Variants in TMC1 observed in about 807,000 individuals in gnomAD.
The protein encoded by TMC1 is transmembrane channel like 1, also known as transmembrane channel-like protein 1.
Under a neutral mutation model 105.8 loss-of-function variants are expected in TMC1, and 84 were observed. The observed-to-expected ratio is 0.79, with a 90% CI of 0.67 to 0.95. The LOEUF is 0.95. Ranked by LOEUF, TMC1 falls within the 40% of genes least tolerant of loss-of-function variation. The pLI is 0.00. For missense variants in TMC1, 817 were observed against 914.1 expected, an observed-to-expected ratio of 0.89 and a Z score of 1.37; for synonymous variants, 315 against 311.5, an observed-to-expected ratio of 1.01 and a Z score of -0.12.
chr9:72,793,326 C>A (rs1310336369), intron 17 of TMC1, among the ~76,000 whole-genome samples: 1 of 152,172 alleles, frequency 6.6e-6, no homozygotes, highest in Non-Finnish European at 1.5e-5. Flanking sequence ...TGGCTTGGAA[C>A]TCCAGCCAGT....
intron 6 of TMC1, among the ~76,000 whole-genome samples, chr9:72,690,565 C>A (rs1588033803): frequency 6.6e-6 from 1 of 152,122 alleles, no homozygotes; most frequent in African/African-American, 2.4e-5. Context: ...CTTTATTTCT[C>A]TGTCATTTAT....
intron 8 of TMC1, among the ~76,000 whole-genome samples, chr9:72,716,198 C>T (rs1490104703): frequency 6.6e-6 from 1 of 152,236 alleles, no homozygotes; most frequent in African/African-American, 2.4e-5. Context: ...TGTCTGTCAG[C>T]CCCTACTGGG....
chr9:72,680,979 G>A (rs1444834), intron 5 of TMC1, among the ~76,000 whole-genome samples: 49,644 of 151,664 alleles, frequency 0.33, 8,154 homozygotes, highest in East Asian at 0.43. Flanking sequence ...TCTTCTTCTT[G>A]AGTTAGAATA....
At chr9:72,756,344 G>A (rs1044389638) in intron 12 of TMC1, among the ~76,000 whole-genome samples, 5 of 152,136 alleles carry the variant, frequency 3.3e-5, no homozygotes, top group African/African-American at 1.2e-4. Flanking sequence ...AAAGATCCTG[G>A]GGAACTGAGC....
intron 11 of TMC1, among the ~76,000 whole-genome samples, chr9:72,752,843 T>C (rs1225623926): frequency 1.3e-5 from 2 of 152,188 alleles, no homozygotes; most frequent in Non-Finnish European, 2.9e-5. Flanking sequence ...CTAAGACTCC[T>C]ATTAACATAA....
chr9:72,741,948 T>C (rs1188118499), intron 9 of TMC1, among the ~76,000 whole-genome samples: 1 of 152,246 alleles, frequency 6.6e-6, no homozygotes. Context: ...CCATCTTGTA[T>C]TGAACTCACC....
At chr9:72,626,096 A>G (rs565308486) in intron 3 of TMC1, among the ~76,000 whole-genome samples, 1 of 152,292 alleles carries the variant, frequency 6.6e-6, no homozygotes, top group East Asian at 1.9e-4. Context: ...CAGCTAGTCA[A>G]GTCTTCCCAG....
At chr9:72,629,110 G>A (rs1825403868) in intron 4 of TMC1, among the ~76,000 whole-genome samples, 1 of 152,032 alleles carries the variant, frequency 6.6e-6, no homozygotes, top group Middle Eastern at 3.2e-3. Context: ...AATCCTATAA[G>A]GTGTGCTTTA....
At chr9:72,632,809 G>A (rs1010037504) in intron 4 of TMC1, among the ~76,000 whole-genome samples, 22 of 152,026 alleles carry the variant, frequency 1.4e-4, no homozygotes, top group Non-Finnish European at 2.2e-4. Flanking sequence ...AAAAGTTTGC[G>A]AATAAAGAAA....
chr9:72,753,461 G>T (rs771801450), intron 11 of TMC1, among the ~76,000 whole-genome samples: 3 of 152,014 alleles, frequency 2.0e-5, no homozygotes, highest in Non-Finnish European at 2.9e-5. Context: ...AAAATGAAAG[G>T]CTGTTGCTGA....
intron 5 of TMC1, among the ~76,000 whole-genome samples, chr9:72,685,915 G>A (rs189920804): frequency 6.6e-6 from 1 of 152,158 alleles, no homozygotes; most frequent in Non-Finnish European, 1.5e-5. Context: ...CTTGGTCACT[G>A]TGTTATCCTG....
intron 1 of TMC1, among the ~76,000 whole-genome samples, chr9:72,555,466 C>T (rs141588135): frequency 6.7e-4 from 102 of 152,230 alleles, no homozygotes; most frequent in Admixed American, 4.7e-3. Context: ...GGATTACAGG[C>T]GTGAGATACT....
intron 10 of TMC1, among the ~76,000 whole-genome samples, chr9:72,745,463 G>T (rs1827474963): frequency 6.6e-6 from 1 of 152,068 alleles, no homozygotes; most frequent in Non-Finnish European, 1.5e-5. Context: ...AGTAGTTATA[G>T]ATTTTCTTGA....
At chr9:72,776,625 C>G (rs1050112586) in intron 13 of TMC1, among the ~76,000 whole-genome samples, 1 of 152,190 alleles carries the variant, frequency 6.6e-6, no homozygotes, top group Non-Finnish European at 1.5e-5. Context: ...CCTCTCTGTA[C>G]TGTGCTTCTC....
chr9:72,742,743 C>T (rs150931936), intron 10 of TMC1, among the ~76,000 whole-genome samples: 141 of 152,316 alleles, frequency 9.3e-4, no homozygotes, highest in African/African-American at 3.1e-3. Flanking sequence ...ACCCCACTCT[C>T]GTGTTCTACC....
chr9:72,584,357 C>T (rs576286867), intron 2 of TMC1, among the ~76,000 whole-genome samples: 119 of 151,226 alleles, frequency 7.9e-4, no homozygotes, highest in African/African-American at 2.8e-3. Flanking sequence ...CCTCCACCTT[C>T]AGGGCTCAAA....
At chr9:72,522,665 T>G (rs2132051061) in intron 1 of TMC1, among the ~76,000 whole-genome samples, 1 of 152,346 alleles carries the variant, frequency 6.6e-6, no homozygotes, top group African/African-American at 2.4e-5. Flanking sequence ...AATTGTGGTA[T>G]GTGGTCATAT....
chr9:72,618,558 TA>T (rs11320111), intron 3 of TMC1, among the ~76,000 whole-genome samples: 21,919 of 152,002 alleles, frequency 0.14, 1,762 homozygotes, highest in Non-Finnish European at 0.19. Flanking sequence ...AAGGTAAATA[TA>T]AATAAAGGTA....
chr9:72,820,653 G>A (rs1383559749), intron 19 of TMC1, among the ~76,000 whole-genome samples, 189 bp from the exon 20 acceptor site: 1 of 152,210 alleles, frequency 6.6e-6, no homozygotes, highest in Non-Finnish European at 1.5e-5. Context: ...AATGGGGAAA[G>A]TGGCAAAATG....
Sources: allele counts gnomAD v4.1 joint callset (sites outside exome capture counted in the v4.1 genomes callset), GRCh38; gene constraint gnomAD v4.1.1; transcripts MANE v1.5; gene names NCBI Gene and HGNC (gene_info 2026-07-23, HGNC 2026-07-21).